Variants in PCCA observed in about 807,000 individuals in gnomAD.
The protein encoded by PCCA is propionyl-CoA carboxylase subunit alpha.
Under a neutral mutation model 101.3 loss-of-function variants are expected in PCCA, and 74 were observed. The ratio of observed to expected loss-of-function variants is 0.73; its 90% CI spans 0.61 to 0.89. PCCA has a LOEUF of 0.89. PCCA is among the 40% of genes least tolerant of loss of function. The pLI is 0.00. For missense variants in PCCA, 891 were observed against 907.0 expected (o/e 0.98, Z 0.23); for synonymous variants, 294 against 313.6 (o/e 0.94, Z 0.66).
intron 4 of PCCA, among the ~76,000 whole-genome samples, chr13:100,138,808 G>A (rs773453898): frequency 1.3e-5 from 2 of 151,684 alleles, no homozygotes; most frequent in Non-Finnish European, 2.9e-5. Flanking sequence ...AGTGGTAGGC[G>A]TCTGTAATCC....
chr13:100,526,445 G>A (rs912976709), intron 22 of PCCA, among the ~76,000 whole-genome samples: 6 of 152,256 alleles, frequency 3.9e-5, no homozygotes, highest in Non-Finnish European at 8.8e-5. Flanking sequence ...CACCTGAACA[G>A]CAGAGGAAAA....
rs2047314457 is a variant in PCCA at position 100,101,845 on chromosome 13, C to T, written c.106-1038C>T. On this transcript the variant is annotated intron_variant, in intron 1 of 23. Transcript: ENST00000376285. The stretch of plus-strand genomic sequence containing the variant: ...CGCAAACTCCTGACCTCAGGTGATC[C>T]ACCTGCCTTGACCTCCCAAAGTGCT... 1.3e-5 allele frequency among the ~76,000 whole-genome samples: 2 copies of T among 152,084 alleles called. 1 individual carries two copies. The highest frequency in any genetic ancestry group is 2.9e-5 in the Non-Finnish European group (2 of 68,008).
At chr13:100,338,770 C>T (rs78264485) in intron 17 of PCCA, among the ~76,000 whole-genome samples, 1 of 150,008 alleles carries the variant, frequency 6.7e-6, no homozygotes, top group African/African-American at 2.5e-5. Context: ...TATGTAATGT[C>T]TAGGTTTGTC....
At chr13:100,203,829 C>T (rs1048810777) in intron 6 of PCCA, among the ~76,000 whole-genome samples, 6 of 152,148 alleles carry the variant, frequency 3.9e-5, no homozygotes, top group African/African-American at 7.2e-5. Flanking sequence ...AGTTCAAACA[C>T]GAGTAGAGAT....
chr13:100,304,412 G>A (rs1454179644), intron 14 of PCCA, among the ~76,000 whole-genome samples: 2 of 152,180 alleles, frequency 1.3e-5, no homozygotes, highest in Non-Finnish European at 1.5e-5. Flanking sequence ...ATGTCAGCAG[G>A]ACAGTAGATG....
At chr13:100,475,526 C>T (rs904210516) in intron 21 of PCCA, among the ~76,000 whole-genome samples, 1 of 152,136 alleles carries the variant, frequency 6.6e-6, no homozygotes, top group Non-Finnish European at 1.5e-5. Flanking sequence ...ATGGATATAC[C>T]TTAACATTTT....
chr13:100,365,899 C>G (rs1407767910), intron 18 of PCCA, among the ~76,000 whole-genome samples: 1 of 152,194 alleles, frequency 6.6e-6, no homozygotes. Flanking sequence ...CTCATCAAGG[C>G]CTGAGTTCAA....
At chr13:100,119,282 TTATTTC>T (rs1446983322) in intron 4 of PCCA, among the ~76,000 whole-genome samples, 18 of 152,188 alleles carry the variant, frequency 1.2e-4, no homozygotes, top group African/African-American at 4.1e-4. Context: ...TTGTGGGTGT[TTATTTC>T]TATTCCTGAC....
At chr13:100,287,462 A>G (rs1455186407) in intron 12 of PCCA, among the ~76,000 whole-genome samples, 1 of 152,118 alleles carries the variant, frequency 6.6e-6, no homozygotes, top group Non-Finnish European at 1.5e-5. Flanking sequence ...GTGACATGGA[A>G]CTAAAATATG....
At position 100,200,038 on chromosome 13, in the gene PCCA, A is replaced by G. The variant is rs188279656; in HGVS notation, c.469-9294A>G. Reference sequence around the variant, plus strand: ...CATAATCTTCTCTAGCTTCCTTACTATCTGATCTGACAGGACATTCCAGGC... The same window carrying G: ...CATAATCTTCTCTAGCTTCCTTACTGTCTGATCTGACAGGACATTCCAGGC... On this transcript the variant is annotated intron_variant, in intron 6 of 23. Coordinates refer to ENST00000376285, the MANE Select transcript of PCCA (RefSeq NM_000282.4). Among the ~76,000 whole-genome samples the G allele has an allele frequency of 2.3e-3, 343 of 152,094 alleles. 2 individuals are homozygous for G. The highest frequency in any genetic ancestry group is 5.2e-3 in the Admixed American group (80 of 15,250).
At chr13:100,192,358 T>C (rs886598379) in intron 6 of PCCA, among the ~76,000 whole-genome samples, 2 of 152,206 alleles carry the variant, frequency 1.3e-5, no homozygotes, top group Admixed American at 1.3e-4. Context: ...TTGTCCATCA[T>C]TGAATTCCTA....
At chr13:100,159,336 A>T (rs1433266625) in intron 6 of PCCA, among the ~76,000 whole-genome samples, 1 of 151,846 alleles carries the variant, frequency 6.6e-6, no homozygotes, top group Admixed American at 6.6e-5. Context: ...TGATCCGCCC[A>T]CCTCAGCTTC....
chr13:100,254,414 A>C (rs982510665), intron 8 of PCCA, among the ~76,000 whole-genome samples: 5 of 152,220 alleles, frequency 3.3e-5, no homozygotes, highest in Admixed American at 2.0e-4. Flanking sequence ...GGATGAGAAA[A>C]TGTGAGAGAA....
intron 18 of PCCA, among the ~76,000 whole-genome samples, chr13:100,360,477 CAT>C (rs1486476061): frequency 1.3e-5 from 2 of 152,154 alleles, no homozygotes; most frequent in Admixed American, 1.3e-4. Context: ...ACATCTAAAA[CAT>C]GTGAGTATAT....
intron 17 of PCCA, among the ~76,000 whole-genome samples, chr13:100,335,279 A>T (rs780265060): frequency 1.1e-4 from 17 of 152,124 alleles, no homozygotes; most frequent in South Asian, 2.1e-4. Context: ...AAATATACAT[A>T]TTTTTCCCCC....
At chr13:100,437,089 A>T (rs901983910) in intron 20 of PCCA, among the ~76,000 whole-genome samples, 1 of 151,810 alleles carries the variant, frequency 6.6e-6, no homozygotes, top group African/African-American at 2.4e-5. Context: ...ATAGCTATTG[A>T]TAGTATCAAT....
intron 22 of PCCA, among the ~76,000 whole-genome samples, chr13:100,517,493 A>G (rs2086923929): frequency 6.6e-6 from 1 of 152,232 alleles, no homozygotes; most frequent in South Asian, 2.1e-4. Flanking sequence ...ACCAATAATT[A>G]AATGTGTGTA....
intron 6 of PCCA, among the ~76,000 whole-genome samples, chr13:100,200,629 TAACTA>T (rs1454076390): frequency 4.0e-5 from 6 of 150,368 alleles, no homozygotes; most frequent in Non-Finnish European, 8.9e-5. Context: ...TATGTTATCT[TAACTA>T]TATTATATTA....
At position 100,174,656 on chromosome 13, in the gene PCCA, A is replaced by G. The variant is rs894580519; in HGVS notation, c.468+17316A>G. Among the ~76,000 whole-genome samples, 13 of 150,280 alleles carry G rather than the reference A, an allele frequency of 8.7e-5. 1 individual carries two copies. The Admixed American group carries it at 8.7e-4, about 10-fold the overall frequency. ...GGCAGGAGAATTGCTTGGACCTGGA[A>G]GGTGGAGGTTGCAGTGAGCCAAGAT... On this transcript the variant is annotated intron_variant, in intron 6 of 23. Coordinates refer to ENST00000376285, the MANE Select transcript of PCCA (RefSeq NM_000282.4).
Sources: gnomAD v4.1 joint callset for allele counts (sites outside exome capture counted in the v4.1 genomes callset) on GRCh38, gnomAD v4.1.1 for gene constraint, MANE v1.5 for transcripts, NCBI Gene and HGNC (gene_info 2026-07-23, HGNC 2026-07-21) for gene names.